Variants in MYO3A observed in about 807,000 individuals in gnomAD.
MYO3A encodes the protein myosin-IIIa.
Under a neutral mutation model 192.7 loss-of-function variants are expected in MYO3A, and 180 were observed. The ratio of observed to expected loss-of-function variants is 0.93; its 90% CI spans 0.83 to 1.06. The LOEUF is 1.06. Ranked by LOEUF, MYO3A falls within the 50% of genes least tolerant of loss-of-function variation. The pLI, the probability that MYO3A is intolerant of heterozygous loss-of-function variation, is 0.00. For missense variants in MYO3A, 1,896 were observed against 1,905.0 expected, an observed-to-expected ratio of 1.00 and a Z score of 0.09; for synonymous variants, 628 against 645.3, an observed-to-expected ratio of 0.97 and a Z score of 0.41.
intron 1 of MYO3A, among the ~76,000 whole-genome samples, chr10:25,934,932 A>T (rs545994173): frequency 1.2e-3 from 187 of 152,126 alleles, no homozygotes; most frequent in African/African-American, 4.3e-3. Context: ...GACCTCGAAG[A>T]GTAACGAGGG....
intron 10 of MYO3A, among the ~76,000 whole-genome samples, chr10:26,060,322 GC>G (rs1488146772): frequency 1.3e-5 from 2 of 151,650 alleles, no homozygotes; most frequent in Non-Finnish European, 1.5e-5. Context: ...ACAAAAATTA[GC>G]CTGGCATGGT....
At chr10:26,074,179 G>T (rs1317578467) in intron 14 of MYO3A, among the ~76,000 whole-genome samples, 1 of 152,060 alleles carries the variant, frequency 6.6e-6, no homozygotes, top group Non-Finnish European at 1.5e-5. Context: ...TGCCAATTCT[G>T]TGATTATAGG....
chr10:26,204,827 C>T (rs980846231), intron 34 of MYO3A, among the ~76,000 whole-genome samples: 1 of 152,114 alleles, frequency 6.6e-6, no homozygotes, highest in African/African-American at 2.4e-5. Flanking sequence ...AAAGTATACC[C>T]ATATAACAAA....
chr10:26,101,320 A>G (rs954444097), intron 17 of MYO3A, among the ~76,000 whole-genome samples: 39 of 152,216 alleles, frequency 2.6e-4, no homozygotes, highest in African/African-American at 7.0e-4. Flanking sequence ...TCCTGAATAC[A>G]GCACACTGAT....
chr10:26,053,853 T>C (rs1844157018), intron 10 of MYO3A, among the ~76,000 whole-genome samples: 2 of 150,532 alleles, frequency 1.3e-5, no homozygotes, highest in Admixed American at 1.3e-4. Flanking sequence ...GAAAGAAAAA[T>C]AGAACAATAT....
At chr10:25,979,106 C>T (rs1839139549) in intron 4 of MYO3A, among the ~76,000 whole-genome samples, 1 of 152,116 alleles carries the variant, frequency 6.6e-6, no homozygotes, top group Admixed American at 6.6e-5. Context: ...TTTAACTGGT[C>T]TTTCTTTCTG....
intron 6 of MYO3A, among the ~76,000 whole-genome samples, chr10:26,012,180 A>G (rs532085691): frequency 6.6e-6 from 1 of 152,142 alleles, no homozygotes; most frequent in Admixed American, 6.6e-5. Flanking sequence ...TTCCCCCTGA[A>G]CAGGAACAAG....
At chr10:26,210,089 G>A (rs947191192) in intron 34 of MYO3A, among the ~76,000 whole-genome samples, 3 of 131,632 alleles carry the variant, frequency 2.3e-5, no homozygotes, top group Non-Finnish European at 4.7e-5. Flanking sequence ...GGGTGACAGA[G>A]TGAGAAAGAG....
chr10:25,967,425 A>T (rs1386777739), intron 4 of MYO3A, among the ~76,000 whole-genome samples: 1 of 152,230 alleles, frequency 6.6e-6, no homozygotes, highest in Admixed American at 6.5e-5. Context: ...TAGCCCTAGA[A>T]TAAGAGCTAC....
chr10:26,133,328 A>G (rs1045058440), intron 20 of MYO3A, among the ~76,000 whole-genome samples: 6 of 152,230 alleles, frequency 3.9e-5, no homozygotes, highest in Non-Finnish European at 7.3e-5. Context: ...CACACACTGA[A>G]GATGGCAGCT....
chr10:26,058,947 A>T (rs7914972), intron 10 of MYO3A, among the ~76,000 whole-genome samples: 71,565 of 151,636 alleles, frequency 0.47, 17,694 homozygotes, highest in Middle Eastern at 0.58. Flanking sequence ...TGGGGGGTGC[A>T]AATGTAAGTG....
At chr10:26,105,455 A>C (rs1203487536) in intron 17 of MYO3A, among the ~76,000 whole-genome samples, 1 of 152,132 alleles carries the variant, frequency 6.6e-6, no homozygotes, top group African/African-American at 2.4e-5. Context: ...GACAAATAAT[A>C]TATTTGAACA....
intron 20 of MYO3A, among the ~76,000 whole-genome samples, chr10:26,142,528 C>T (rs574689018): frequency 6.6e-6 from 1 of 152,356 alleles, no homozygotes; most frequent in African/African-American, 2.4e-5. Context: ...TTATATTACA[C>T]TATACTCAAC....
intron 20 of MYO3A, among the ~76,000 whole-genome samples, chr10:26,135,274 A>G (rs1187198079): frequency 6.6e-6 from 1 of 152,150 alleles, no homozygotes; most frequent in Admixed American, 6.5e-5. Flanking sequence ...CTTTCTTTCT[A>G]AATAGATAAG....
intron 17 of MYO3A, among the ~76,000 whole-genome samples, chr10:26,115,207 T>A (rs1838428166): frequency 6.6e-6 from 1 of 152,164 alleles, no homozygotes; most frequent in Admixed American, 6.5e-5. Flanking sequence ...GAAAAGTCAC[T>A]CTGACAGCCG....
intron 4 of MYO3A, among the ~76,000 whole-genome samples, chr10:25,983,116 A>T (rs1839432333): frequency 6.6e-6 from 1 of 152,070 alleles, no homozygotes; most frequent in African/African-American, 2.4e-5. Flanking sequence ...AAACAATCAC[A>T]ACTTCTGGAA....
intron 31 of MYO3A, among the ~76,000 whole-genome samples, chr10:26,190,508 C>A (rs1843075289): frequency 1.3e-5 from 2 of 152,126 alleles, no homozygotes; most frequent in African/African-American, 4.8e-5. Context: ...GCATTAGGAA[C>A]ACCAGAAATT....
Position 26,166,164 on chromosome 10 carries a change from C to T in MYO3A, c.3097C>T (p.Leu1033Phe). 1 of 1,612,108 alleles carries T rather than the reference C, an allele frequency of 6.2e-7. No homozygotes were observed. The highest frequency in any genetic ancestry group is 8.5e-7 in the Non-Finnish European group (1 of 1,178,552). The change falls in exon 27 of 35, where the codon CTT (leucine) becomes TTT (phenylalanine). Residue 1033 changes from leucine (L) to phenylalanine (F), a missense_variant. Coordinates refer to ENST00000642920, the MANE Select transcript of MYO3A (RefSeq NM_017433.5). ...AAAAGCTGGTCTCGATAACTGGGCTCTTGGAAAAACAAAAGTAATGTTTTC... is the reference window on the plus strand; with the variant it reads ...AAAAGCTGGTCTCGATAACTGGGCTTTTGGAAAAACAAAAGTAATGTTTTC... Reference protein sequence around the residue: ...LEKAGLDNWALGKTKVFLKYY... With the variant: ...LEKAGLDNWAFGKTKVFLKYY...
chr10:26,054,218 A>G (rs548756570), intron 10 of MYO3A, among the ~76,000 whole-genome samples: 6 of 152,228 alleles, frequency 3.9e-5, no homozygotes, highest in Non-Finnish European at 7.3e-5. Context: ...TTCTCACTAT[A>G]TGCAATAACC....
Sources: gnomAD v4.1 joint callset for allele counts (sites outside exome capture counted in the v4.1 genomes callset) on GRCh38, gnomAD v4.1.1 for gene constraint, MANE v1.5 for transcripts, NCBI Gene and HGNC (gene_info 2026-07-23, HGNC 2026-07-21) for gene names.